Variants in TCP11L2 observed in about 807,000 individuals in gnomAD.
TCP11L2 encodes T-complex protein 11-like protein 2.
In TCP11L2, 39 loss-of-function variants were observed where a neutral mutation model predicts 50.7. The ratio of observed to expected loss-of-function variants is 0.77; its 90% CI spans 0.60 to 1.01. The LOEUF is 1.01. TCP11L2 is among the 50% of genes least tolerant of loss of function. The pLI is 0.00. For synonymous variants in TCP11L2, 192 were observed against 219.3 expected, an observed-to-expected ratio of 0.88 and a Z score of 1.10; for missense variants, 612 against 614.7, an observed-to-expected ratio of 1.00 and a Z score of 0.05.
intron 6 of TCP11L2, chr12:106,329,755 C>T: frequency 4.9e-6 from 5 of 1,011,398 alleles, no homozygotes; most frequent in Non-Finnish European, 5.9e-6. Context: ...CTTATTACTG[C>T]CACATTGTAA....
chr12:106,312,255 C>A, intron 2 of TCP11L2: 2 of 310,266 alleles, frequency 6.4e-6, no homozygotes, highest in South Asian at 2.2e-5. Flanking sequence ...CATTTAGTTT[C>A]CATTTTTTTT....
chr12:106,300,592 A>T (rs1268910488), upstream of TCP11L2, among the ~76,000 whole-genome samples: 3 of 152,186 alleles, frequency 2.0e-5, no homozygotes, highest in East Asian at 5.8e-4. Flanking sequence ...GGCCTCCCAA[A>T]GTGCTTGGAT....
At chr12:106,304,703 G>A (rs2034560124) in intron 1 of TCP11L2, among the ~76,000 whole-genome samples, 1 of 152,216 alleles carries the variant, frequency 6.6e-6, no homozygotes, top group South Asian at 2.1e-4. Flanking sequence ...TTTTGCGTGA[G>A]CTAACCTTAA....
chr12:106,311,296 G>C, intron 2 of TCP11L2, 64 bp downstream of exon 2: 1 of 1,559,516 alleles, frequency 6.4e-7, no homozygotes, highest in Non-Finnish European at 8.7e-7. Flanking sequence ...TGTTGGATTT[G>C]AAAACTCAGA....
chr12:106,302,183 T>A (rs1055697894), upstream of TCP11L2, among the ~76,000 whole-genome samples: 3 of 152,112 alleles, frequency 2.0e-5, no homozygotes, highest in Non-Finnish European at 4.4e-5. Flanking sequence ...GGGCACTCAA[T>A]GTTCCACGCG....
At chr12:106,305,302 T>C (rs2034584424) in intron 1 of TCP11L2, among the ~76,000 whole-genome samples, 1 of 151,976 alleles carries the variant, frequency 6.6e-6, no homozygotes, top group South Asian at 2.1e-4. Context: ...TGCTTATTAC[T>C]ACCTCAATAA....
At chr12:106,303,984 G>T (rs144627486) in intron 1 of TCP11L2, 9 of 152,352 alleles carry the variant, frequency 5.9e-5, no homozygotes, top group African/African-American at 2.2e-4. Context: ...ATGGTCACCA[G>T]CCCAGTCAGG....
chr12:106,300,208 C>T (rs2034387176), upstream of TCP11L2, among the ~76,000 whole-genome samples: 1 of 151,782 alleles, frequency 6.6e-6, no homozygotes. Context: ...TAAACATAAC[C>T]TGAGCAGGGA....
chr12:106,311,644 A>G (rs936346765), intron 2 of TCP11L2, among the ~76,000 whole-genome samples: 14 of 152,214 alleles, frequency 9.2e-5, no homozygotes, highest in Non-Finnish European at 4.4e-5. Context: ...GAAGTGAAAT[A>G]ATCTAAAGGG....
intron 6 of TCP11L2, among the ~76,000 whole-genome samples, chr12:106,330,988 A>T (rs529144530): frequency 1.3e-5 from 2 of 152,218 alleles, no homozygotes; most frequent in Non-Finnish European, 2.9e-5. Flanking sequence ...CCAGTGATAC[A>T]TATTTTTTAT....
upstream of TCP11L2, among the ~76,000 whole-genome samples, chr12:106,299,016 A>G (rs2034379024): frequency 1.3e-5 from 2 of 151,924 alleles, no homozygotes; most frequent in South Asian, 2.1e-4. Flanking sequence ...GGGTTTCACT[A>G]TGTTGGTCAG....
At chr12:106,343,530 T>A (rs2036148406) in intron 9 of TCP11L2, among the ~76,000 whole-genome samples, 1 of 152,204 alleles carries the variant, frequency 6.6e-6, no homozygotes, top group South Asian at 2.1e-4. Flanking sequence ...GAAGGGATCA[T>A]AATCCCCAAT....
At chr12:106,345,911 G>C (rs2036215956) in intron 9 of TCP11L2, among the ~76,000 whole-genome samples, 1 of 152,164 alleles carries the variant, frequency 6.6e-6, no homozygotes, top group Non-Finnish European at 1.5e-5. Context: ...TGGAACAGCT[G>C]GGTTTCCCTC....
At chr12:106,333,158 C>T (rs1030655117) in intron 6 of TCP11L2, among the ~76,000 whole-genome samples, 1 of 152,028 alleles carries the variant, frequency 6.6e-6, no homozygotes, top group Non-Finnish European at 1.5e-5. Flanking sequence ...TGGTATTGTA[C>T]CCATGTCAGT....
At chr12:106,339,795 A>G (rs1017567676) in intron 8 of TCP11L2, among the ~76,000 whole-genome samples, 10 of 152,360 alleles carry the variant, frequency 6.6e-5, no homozygotes, top group Non-Finnish European at 7.3e-5. Flanking sequence ...TTTTATTACA[A>G]TCAGTCTATC....
At chr12:106,305,131 C>T (rs988336576) in intron 1 of TCP11L2, among the ~76,000 whole-genome samples, 5 of 152,118 alleles carry the variant, frequency 3.3e-5, no homozygotes, top group African/African-American at 7.2e-5. Flanking sequence ...TGAGTTGTGC[C>T]TCTACACTGC....
intron 2 of TCP11L2, among the ~76,000 whole-genome samples, chr12:106,311,521 A>G (rs1469126664): frequency 1.3e-5 from 2 of 152,194 alleles, no homozygotes; most frequent in East Asian, 3.9e-4. Flanking sequence ...GCAGAAAGCC[A>G]TTCCTTGAGA....
upstream of TCP11L2, among the ~76,000 whole-genome samples, chr12:106,300,339 T>C (rs1264748026): frequency 6.6e-6 from 1 of 152,140 alleles, no homozygotes; most frequent in Non-Finnish European, 1.5e-5. Context: ...TTTTGTTTTG[T>C]TTTGTTTTGA....
chr12:106,334,559 A>G (rs2136788344), intron 6 of TCP11L2, among the ~76,000 whole-genome samples: 1 of 152,278 alleles, frequency 6.6e-6, no homozygotes, highest in East Asian at 1.9e-4. Flanking sequence ...GAACCACTGC[A>G]ATAATTTACT....
Sources: allele counts gnomAD v4.1 joint callset (sites outside exome capture counted in the v4.1 genomes callset), GRCh38; gene constraint gnomAD v4.1.1; transcripts MANE v1.5; gene names NCBI Gene and HGNC (gene_info 2026-07-23, HGNC 2026-07-21).